The following STK32C variants were observed in gnomAD, a reference collection of about 807,000 sequenced individuals.
The protein encoded by STK32C is serine/threonine kinase 32C.
In STK32C, 31 loss-of-function variants were observed where a neutral mutation model predicts 56.5. That is an observed-to-expected ratio of 0.55 (90% CI 0.41 to 0.74). STK32C has a LOEUF of 0.74. Ranked by LOEUF, STK32C falls within the 30% of genes least tolerant of loss-of-function variation. The probability of loss-of-function intolerance (pLI) is 0.00; values close to 1 mark genes in which losing one functional copy is unlikely to be tolerated. For missense variants in STK32C, 544 were observed against 676.9 expected (o/e 0.80, Z 2.18); for synonymous variants, 309 against 289.4 (o/e 1.07, Z -0.69).
intron 1 of STK32C, among the ~76,000 whole-genome samples, chr10:132,331,146 G>A (rs796552188): frequency 4.5e-4 from 66 of 145,728 alleles, no homozygotes; most frequent in African/African-American, 1.6e-3. Flanking sequence ...GGTCGCAGTG[G>A]GCCGAGATCG....
chr10:132,241,859 G>C (rs139030891), intron 2 of STK32C, among the ~76,000 whole-genome samples: 2,939 of 152,232 alleles, frequency 0.019, 91 homozygotes, highest in African/African-American at 0.065. Flanking sequence ...GTAATCCCAG[G>C]ACTTTGGGAG....
intron 1 of STK32C, among the ~76,000 whole-genome samples, chr10:132,248,453 C>T (rs377232417): frequency 1.2e-4 from 18 of 152,364 alleles, no homozygotes; most frequent in Admixed American, 8.5e-4. Context: ...AGATGAACTC[C>T]GCTGGGCGGC....
At chr10:132,247,324 C>G (rs926888954) in intron 1 of STK32C, among the ~76,000 whole-genome samples, 3 of 152,178 alleles carry the variant, frequency 2.0e-5, no homozygotes, top group Non-Finnish European at 4.4e-5. Context: ...ACTCCCTTCC[C>G]AGGGCACCCC....
At chr10:132,294,829 C>CGGAA (rs2065687195) in intron 1 of STK32C, among the ~76,000 whole-genome samples, 1 of 152,152 alleles carries the variant, frequency 6.6e-6, no homozygotes, top group South Asian at 2.1e-4. Flanking sequence ...TCCCCTTCCC[C>CGGAA]GGAAGTCCTG....
intron 1 of STK32C, among the ~76,000 whole-genome samples, chr10:132,274,128 A>C (rs2064923739): frequency 6.6e-6 from 1 of 152,248 alleles, no homozygotes; most frequent in African/African-American, 2.4e-5. Context: ...ATCAGTCTGC[A>C]GATGCCTGCG....
intron 10 of STK32C, among the ~76,000 whole-genome samples, chr10:132,215,526 C>T (rs1160648886): frequency 6.6e-6 from 1 of 152,110 alleles, no homozygotes; most frequent in Non-Finnish European, 1.5e-5. Flanking sequence ...CAAGCTCTCT[C>T]TGCCATCCAT....
chr10:132,224,618 C>G, intron 7 of STK32C, 95 bp from the exon 8 acceptor site: 1 of 860,882 alleles, frequency 1.2e-6, no homozygotes, highest in Middle Eastern at 2.2e-4. Context: ...GAGAGGACCC[C>G]CTCCCCCCAC....
At chr10:132,285,167 G>T (rs1427080502) in intron 1 of STK32C, among the ~76,000 whole-genome samples, 2 of 145,376 alleles carry the variant, frequency 1.4e-5, no homozygotes, top group African/African-American at 2.6e-5. Context: ...CAAAGACCAG[G>T]CATGAACCCA....
intron 2 of STK32C, among the ~76,000 whole-genome samples, chr10:132,235,225 C>G (rs543261373): frequency 6.6e-6 from 1 of 152,286 alleles, no homozygotes; most frequent in East Asian, 1.9e-4. Flanking sequence ...AGGCCAGGCG[C>G]TGTGGCTCAC....
intron 1 of STK32C, among the ~76,000 whole-genome samples, chr10:132,254,798 ACG>A (rs1197745177): frequency 6.6e-6 from 1 of 151,282 alleles, no homozygotes; most frequent in East Asian, 1.9e-4. Context: ...CGTGCACCCC[ACG>A]CGAAGGCTGT....
chr10:132,251,463 G>C (rs2063902345), intron 1 of STK32C, among the ~76,000 whole-genome samples: 1 of 152,154 alleles, frequency 6.6e-6, no homozygotes, highest in Admixed American at 6.5e-5. Flanking sequence ...CTTATACACA[G>C]AGCCTACTGT....
rs377361071 is a variant in STK32C, at chr10:132,313,068, C to G, written c.301+18368G>C. Among the ~76,000 whole-genome samples the G allele has an allele frequency of 4.6e-5, 7 of 152,128 alleles. No homozygotes were observed. In the East Asian group the frequency reaches 1.3e-3, roughly 29 times the overall value. Reference sequence around the variant, plus strand: ...AAATAAAATAAAATTAAATTAAAAACCTGAGTTCCTGGCTATGATGGTGGG... The same window carrying G: ...AAATAAAATAAAATTAAATTAAAAAGCTGAGTTCCTGGCTATGATGGTGGG... On this transcript the variant is annotated intron_variant, in intron 1 of 3. Transcript: ENST00000368620.
At chr10:132,260,933 T>A (rs901848950) in intron 1 of STK32C, among the ~76,000 whole-genome samples, 2 of 152,200 alleles carry the variant, frequency 1.3e-5, no homozygotes, top group African/African-American at 4.8e-5. Flanking sequence ...GTCAGGACGC[T>A]CATGCGGGCC....
At chr10:132,329,428 A>T (rs1435781767) in intron 1 of STK32C, among the ~76,000 whole-genome samples, 1 of 152,182 alleles carries the variant, frequency 6.6e-6, no homozygotes, top group Non-Finnish European at 1.5e-5. Context: ...AATAAATAAA[A>T]TAAATAAATA....
intron 1 of STK32C, among the ~76,000 whole-genome samples, chr10:132,297,015 A>AGCTCTGCCCAGTGTCCTCTCCT (rs1175078601): frequency 1.2e-4 from 18 of 152,240 alleles, no homozygotes; most frequent in Non-Finnish European, 1.6e-4. Context: ...GCCTGGGCAC[A>AGCTCTGCCCAGTGTCCTCTCCT]GCTCTGCCCA....
At chr10:132,293,359 T>G (rs548547427) in intron 1 of STK32C, among the ~76,000 whole-genome samples, 1 of 152,330 alleles carries the variant, frequency 6.6e-6, no homozygotes, top group East Asian at 1.9e-4. Context: ...GGAAGGCAAT[T>G]CTTCGCCAGC....
chr10:132,314,569 C>A (rs1191326233), intron 1 of STK32C, among the ~76,000 whole-genome samples: 6 of 152,124 alleles, frequency 3.9e-5, no homozygotes, highest in African/African-American at 9.7e-5. Flanking sequence ...AGACTGGATA[C>A]AAATGCAAGA....
At chr10:132,293,526 G>A (rs2065636111) in intron 1 of STK32C, among the ~76,000 whole-genome samples, 1 of 152,220 alleles carries the variant, frequency 6.6e-6, no homozygotes, top group South Asian at 2.1e-4. Context: ...CCACTGGCTT[G>A]GGGTGGGCGT....
At chr10:132,243,871 C>T (rs1261747030) in intron 2 of STK32C, among the ~76,000 whole-genome samples, 1 of 152,142 alleles carries the variant, frequency 6.6e-6, no homozygotes, top group Non-Finnish European at 1.5e-5. Context: ...CCCCTCAACC[C>T]GGAGCCATTT....
Sources: allele counts gnomAD v4.1 joint callset (sites outside exome capture counted in the v4.1 genomes callset), GRCh38; gene constraint gnomAD v4.1.1; transcripts MANE v1.5; gene names NCBI Gene and HGNC (gene_info 2026-07-23, HGNC 2026-07-21).